The following P3H2 variants were observed in gnomAD, a reference collection of about 807,000 sequenced individuals.
P3H2 encodes the protein leprecan-like 1.
P3H2 carries 80 observed loss-of-function variants against 87.0 expected under a neutral mutation model. The ratio of observed to expected loss-of-function variants is 0.92; its 90% confidence interval spans 0.77 to 1.11. The LOEUF (loss-of-function observed/expected upper bound fraction) is 1.11. Among genes scored for constraint, P3H2 ranks in the 50% least tolerant of loss-of-function variants. P3H2 has a pLI of 0.00. For synonymous variants in P3H2, 367 were observed against 359.3 expected (o/e 1.02, Z -0.24); for missense variants, 1,001 against 923.9 (o/e 1.08, Z -1.08).
intron 3 of P3H2, among the ~76,000 whole-genome samples, chr3:189,990,318 A>C (rs969806054): frequency 3.3e-5 from 5 of 152,254 alleles, no homozygotes; most frequent in Non-Finnish European, 7.3e-5. Flanking sequence ...TGTTAGAAAT[A>C]AATAACCAGC....
At chr3:189,979,417 G>A (rs554887114) in intron 8 of P3H2, among the ~76,000 whole-genome samples, 5 of 152,062 alleles carry the variant, frequency 3.3e-5, no homozygotes, top group East Asian at 3.9e-4. Flanking sequence ...AACAGAGTGA[G>A]GCTCTGGCTC....
intron 14 of P3H2, among the ~76,000 whole-genome samples, chr3:189,961,500 A>T (rs1200615973): frequency 6.7e-6 from 1 of 150,176 alleles, no homozygotes; most frequent in Non-Finnish European, 1.5e-5. Context: ...ATAGGTAGGC[A>T]TTTTTTTTTT....
At chr3:190,019,785 A>ATATATATATATATATATAT (rs1560365170) in intron 1 of P3H2, among the ~76,000 whole-genome samples, 1 of 37,390 alleles carries the variant, frequency 2.7e-5, no homozygotes, top group African/African-American at 6.6e-5. Context: ...GAAATTAAAA[A>ATATATATATATATATATAT]ATATATATAT....
At chr3:190,096,785 G>A (rs1727602973) in intron 1 of P3H2, among the ~76,000 whole-genome samples, 5 of 152,164 alleles carry the variant, frequency 3.3e-5, no homozygotes, top group South Asian at 4.1e-4. Context: ...AAAGAGTGGG[G>A]TGAATTGCTA....
chr3:190,062,683 T>C (rs893080146), intron 1 of P3H2, among the ~76,000 whole-genome samples: 3 of 152,136 alleles, frequency 2.0e-5, no homozygotes, highest in Non-Finnish European at 4.4e-5. Flanking sequence ...TTCTAACTAG[T>C]GACATAACCT....
At chr3:190,114,464 G>C (rs1008623179) in intron 1 of P3H2, among the ~76,000 whole-genome samples, 7 of 152,092 alleles carry the variant, frequency 4.6e-5, no homozygotes, top group Non-Finnish European at 8.8e-5. Context: ...GGGATTACAG[G>C]CTTGAACCAC....
At chr3:190,021,628 T>C (rs2108940949) in intron 1 of P3H2, among the ~76,000 whole-genome samples, 1 of 135,254 alleles carries the variant, frequency 7.4e-6, no homozygotes, top group Admixed American at 7.5e-5. Flanking sequence ...CACACATTTG[T>C]AATATTCATA....
intron 1 of P3H2, among the ~76,000 whole-genome samples, chr3:190,050,708 A>G (rs942017301): frequency 1.3e-5 from 2 of 152,144 alleles, no homozygotes; most frequent in African/African-American, 2.4e-5. Flanking sequence ...GTCCTTCATG[A>G]CAGAGACTGT....
intron 1 of P3H2, among the ~76,000 whole-genome samples, chr3:190,002,823 C>T (rs887341976): frequency 6.6e-6 from 1 of 152,186 alleles, no homozygotes; most frequent in Non-Finnish European, 1.5e-5. Flanking sequence ...AACTCAGGGA[C>T]ATACAAAAGG....
rs139152490 is a variant in P3H2 at position 189,974,514 on chromosome 3, G to A, written c.1452+44C>T. The A allele has an allele frequency of 1.8e-4, 285 of 1,611,840 alleles. 1 individual carries two copies. In the African/African-American group the frequency reaches 3.4e-3, roughly 19 times the overall value. ...AGGACCAAAGCAGTTCCAGCTTCTT[G>A]GCAGGCCAGCGCAGTGAGCTCCCCT... On this transcript the variant is annotated intron_variant, in intron 9 of 14. Coordinates refer to ENST00000319332, the MANE Select transcript of P3H2 (RefSeq NM_018192.4).
chr3:190,018,181 A>G (rs985236441), intron 1 of P3H2, among the ~76,000 whole-genome samples: 3 of 152,096 alleles, frequency 2.0e-5, no homozygotes, highest in Non-Finnish European at 2.9e-5. Context: ...AACTTATTTC[A>G]CCCATCATTG....
chr3:190,027,646 T>C (rs977375474), intron 1 of P3H2, among the ~76,000 whole-genome samples: 2 of 148,546 alleles, frequency 1.3e-5, no homozygotes, highest in African/African-American at 5.0e-5. Flanking sequence ...TTTTAAGCAA[T>C]GGCAAAAACT....
chr3:190,084,617 T>A (rs1727151261), intron 1 of P3H2, among the ~76,000 whole-genome samples: 1 of 138,530 alleles, frequency 7.2e-6, no homozygotes, highest in Admixed American at 6.9e-5. Flanking sequence ...TTTGCATTTT[T>A]AAAATCTTAT....
chr3:189,957,700 A>AAGAG lies in P3H2; in HGVS notation c.*208_*211dup, dbSNP rs3062112. On this transcript the variant is annotated 3_prime_UTR_variant, in exon 15 of 15. Transcript: ENST00000319332. ...AACATGGTTAGACCATGTCTCTAAG[A>AAGAG]AGAGAGAGAGAGAGAGAGAGAGAGA... 0.011 allele frequency: 5,758 copies of AAGAG among 540,464 alleles called. 61 individuals carry two copies. The highest frequency in any genetic ancestry group is 0.06 in the African/African-American group (3,055 of 51,332). 33.5% of individuals were successfully genotyped at this position (540,464 alleles called of 1,614,324 possible).
intron 6 of P3H2, among the ~76,000 whole-genome samples, chr3:189,985,796 A>T (rs997936554): frequency 6.6e-6 from 1 of 152,034 alleles, no homozygotes; most frequent in Non-Finnish European, 1.5e-5. Flanking sequence ...AAAATCAGAA[A>T]TAATTCAAAT....
intron 1 of P3H2, among the ~76,000 whole-genome samples, chr3:190,056,303 T>C (rs559765272): frequency 4.6e-5 from 7 of 152,308 alleles, no homozygotes; most frequent in South Asian, 2.1e-4. Flanking sequence ...CCCAAGCTAA[T>C]ACAGCTTGTT....
At position 189,957,438 on chromosome 3, in the gene P3H2, TAATTGTGTG is replaced by T. The variant is rs1484078243; in HGVS notation, c.*465_*473del. 1 of 321,502 alleles carries T rather than the reference TAATTGTGTG, an allele frequency of 3.1e-6. No individual in the cohort carries two copies. Among genetic ancestry groups the T allele is most frequent in the East Asian group, 4.8e-5 (1 of 20,998 alleles). The allele number at this position is 321,502 out of a possible 1,614,324, so 19.9% of individuals were successfully genotyped here. ...CTAAGCTTTTGAATTTGCAGCAACT[TAATTGTGTG>T]TGTGTGTGTGTGTGTGTGTGTGTGT... On this transcript the variant is annotated 3_prime_UTR_variant, in exon 15 of 15. Coordinates refer to ENST00000319332, the MANE Select transcript of P3H2 (RefSeq NM_018192.4).
At chr3:189,963,736 G>A (rs766472523) in intron 14 of P3H2, 14 of 558,366 alleles carry the variant, frequency 2.5e-5, no homozygotes, top group Middle Eastern at 1.0e-3. Flanking sequence ...GAGCCACCAC[G>A]CCCAGCCTTA....
intron 1 of P3H2, among the ~76,000 whole-genome samples, chr3:190,083,196 A>C (rs1356668537): frequency 1.3e-5 from 2 of 152,216 alleles, no homozygotes; most frequent in African/African-American, 4.8e-5. Flanking sequence ...CTTACCAAGA[A>C]GACATATGGT....
Sources: gnomAD v4.1 joint callset for allele counts (sites outside exome capture counted in the v4.1 genomes callset) on GRCh38, gnomAD v4.1.1 for gene constraint, MANE v1.5 for transcripts, NCBI Gene and HGNC (gene_info 2026-07-23, HGNC 2026-07-21) for gene names.